LRRC4C: variants seen among roughly 807,000 people sequenced by gnomAD.
LRRC4C encodes leucine-rich repeat-containing protein 4C.
LRRC4C carries 5 observed loss-of-function variants against 33.6 expected under a neutral mutation model. The observed-to-expected ratio is 0.15, with a 90% CI of 0.08 to 0.31. The LOEUF is 0.31. Among genes scored for constraint, LRRC4C ranks in the 10% least tolerant of loss-of-function variants. LRRC4C has a pLI of 1.00. For missense variants in LRRC4C, 560 were observed against 796.7 expected (o/e 0.70, Z 3.58); for synonymous variants, 329 against 302.0 (o/e 1.09, Z -0.93).
intron 4 of LRRC4C, among the ~76,000 whole-genome samples, chr11:40,243,858 T>G (rs1171444106): frequency 6.6e-6 from 1 of 150,562 alleles, no homozygotes; most frequent in African/African-American, 2.4e-5. Context: ...CTGGGTATTT[T>G]TTTTTTTTTT....
chr11:40,800,700 A>T (rs1407726581), intron 2 of LRRC4C, among the ~76,000 whole-genome samples: 1 of 151,928 alleles, frequency 6.6e-6, no homozygotes, highest in Non-Finnish European at 1.5e-5. Context: ...ACTATACCAC[A>T]CTGAATGCCA....
chr11:40,916,625 C>A (rs1366808191), intron 2 of LRRC4C, among the ~76,000 whole-genome samples: 3 of 151,624 alleles, frequency 2.0e-5, no homozygotes, highest in Non-Finnish European at 1.5e-5. Flanking sequence ...TTCAGCACAC[C>A]AACATGGCAC....
intron 3 of LRRC4C, among the ~76,000 whole-genome samples, chr11:40,533,023 AC>A: frequency 6.6e-6 from 1 of 151,760 alleles, no homozygotes; most frequent in South Asian, 2.1e-4. Context: ...CAGCAAACCA[AC>A]CCCCTGATTC....
chr11:41,275,886 T>C (rs1949468358), intron 1 of LRRC4C, among the ~76,000 whole-genome samples: 1 of 152,212 alleles, frequency 6.6e-6, no homozygotes, highest in Non-Finnish European at 1.5e-5. Context: ...TGATTTTCTC[T>C]ATACAAACGT....
In LRRC4C at chr11:41,165,120, C is replaced by T. The variant is rs575471327; in HGVS notation, c.-495-231397G>A. Among the ~76,000 whole-genome samples the T allele has an allele frequency of 2.6e-4, 39 of 152,248 alleles. 1 individual carries two copies. In the South Asian group the frequency reaches 5.8e-3, roughly 23 times the overall value. On this transcript the variant is annotated intron_variant, in intron 1 of 6. Coordinates refer to ENST00000528697, the MANE Select transcript of LRRC4C (RefSeq NM_001258419.2). Reference sequence around the variant, plus strand: ...TCTTTATTGGATCACCAATAAATAGCGCGGGTTCCCAGAGCCTGGGACCTT... The same window carrying T: ...TCTTTATTGGATCACCAATAAATAGTGCGGGTTCCCAGAGCCTGGGACCTT...
chr11:41,097,443 T>A (rs1297980382), intron 1 of LRRC4C, among the ~76,000 whole-genome samples: 1 of 152,086 alleles, frequency 6.6e-6, no homozygotes, highest in Non-Finnish European at 1.5e-5. Flanking sequence ...ACATTAGACA[T>A]TTGAACACCA....
chr11:40,877,169 C>G (rs950663554), intron 2 of LRRC4C, among the ~76,000 whole-genome samples: 5 of 151,832 alleles, frequency 3.3e-5, no homozygotes, highest in Admixed American at 3.3e-4. Context: ...GTGGATGATA[C>G]AGCGTAGAGG....
chr11:40,337,925 T>A (rs771219763), intron 3 of LRRC4C, among the ~76,000 whole-genome samples: 16 of 152,268 alleles, frequency 1.1e-4, no homozygotes, highest in Non-Finnish European at 1.8e-4. Flanking sequence ...AGTGAGAACA[T>A]GCAGACACCA....
chr11:40,378,753 A>C (rs1293376070), intron 3 of LRRC4C, among the ~76,000 whole-genome samples: 4 of 152,138 alleles, frequency 2.6e-5, no homozygotes, highest in Non-Finnish European at 5.9e-5. Context: ...TTGTGAAAGC[A>C]CACACAAGTG....
intron 1 of LRRC4C, among the ~76,000 whole-genome samples, chr11:41,311,247 T>C (rs1950635419): frequency 6.6e-6 from 1 of 152,182 alleles, no homozygotes; most frequent in Non-Finnish European, 1.5e-5. Flanking sequence ...GGAAGCATGG[T>C]AAATTAAGAA....
intron 1 of LRRC4C, among the ~76,000 whole-genome samples, chr11:41,303,984 C>A (rs1268370088): frequency 1.3e-5 from 1 of 77,986 alleles, no homozygotes; most frequent in African/African-American, 3.5e-5. Context: ...CCACCCCGTC[C>A]GGGAGGGAGG....
At chr11:40,337,539 A>G (rs1946682710) in intron 3 of LRRC4C, among the ~76,000 whole-genome samples, 1 of 152,134 alleles carries the variant, frequency 6.6e-6, no homozygotes, top group Non-Finnish European at 1.5e-5. Context: ...AATACACCAT[A>G]AGGTCAATAA....
At chr11:40,398,619 A>T (rs1051223696) in intron 3 of LRRC4C, among the ~76,000 whole-genome samples, 1 of 152,070 alleles carries the variant, frequency 6.6e-6, no homozygotes, top group African/African-American at 2.4e-5. Context: ...ATGATATATT[A>T]CATGCTATGG....
At chr11:40,541,763 C>A (rs139442947) in intron 3 of LRRC4C, among the ~76,000 whole-genome samples, 1 of 152,268 alleles carries the variant, frequency 6.6e-6, no homozygotes, top group Non-Finnish European at 1.5e-5. Context: ...ATCTCTGACA[C>A]TGCCTAACCT....
intron 2 of LRRC4C, among the ~76,000 whole-genome samples, chr11:40,789,218 G>A (rs919479111): frequency 6.6e-6 from 1 of 151,404 alleles, no homozygotes; most frequent in African/African-American, 2.4e-5. Flanking sequence ...GAAAAATTAT[G>A]GCTATAAATT....
At chr11:40,635,627 A>ATT (rs1963879177) in intron 3 of LRRC4C, among the ~76,000 whole-genome samples, 1 of 133,318 alleles carries the variant, frequency 7.5e-6, no homozygotes, top group Admixed American at 8.6e-5. Context: ...AAAAGAACCA[A>ATT]ATTTTTTTTT....
At chr11:40,402,199 G>T (rs1297596323) in intron 3 of LRRC4C, among the ~76,000 whole-genome samples, 1 of 152,100 alleles carries the variant, frequency 6.6e-6, no homozygotes, top group Non-Finnish European at 1.5e-5. Flanking sequence ...GGATTTCATT[G>T]TGTGTTTGTA....
At chr11:41,416,776 T>C (rs750264447) in intron 1 of LRRC4C, among the ~76,000 whole-genome samples, 6 of 152,020 alleles carry the variant, frequency 3.9e-5, no homozygotes, top group Non-Finnish European at 5.9e-5. Context: ...CCTAACTACT[T>C]CATAGCGCTG....
intron 5 of LRRC4C, among the ~76,000 whole-genome samples, chr11:40,227,717 G>A (rs892006488): frequency 4.0e-5 from 6 of 151,794 alleles, no homozygotes; most frequent in South Asian, 2.1e-4. Context: ...AAAAAGAGGA[G>A]GAAAGATAAC....
Sources: gnomAD v4.1 joint callset for allele counts (sites outside exome capture counted in the v4.1 genomes callset) on GRCh38, gnomAD v4.1.1 for gene constraint, MANE v1.5 for transcripts, NCBI Gene and HGNC (gene_info 2026-07-23, HGNC 2026-07-21) for gene names.